The following NR2C2 variants were observed in gnomAD, a reference collection of about 807,000 sequenced individuals.
NR2C2 encodes Nuclear hormone receptor TR4.
In NR2C2, 6 loss-of-function variants were observed where a neutral mutation model predicts 62.9. The ratio of observed to expected loss-of-function variants is 0.10; its 90% CI spans 0.05 to 0.19. NR2C2 has a LOEUF of 0.19. NR2C2 is among the 10% of genes least tolerant of loss of function. NR2C2 has a pLI of 1.00. For synonymous variants in NR2C2, 272 were observed against 273.8 expected (o/e 0.99, Z 0.07); for missense variants, 479 against 762.7 (o/e 0.63, Z 4.38).
At chr3:15,006,328 C>G (rs532247413) in intron 2 of NR2C2, among the ~76,000 whole-genome samples, 1 of 152,150 alleles carries the variant, frequency 6.6e-6, no homozygotes, top group African/African-American at 2.4e-5. Context: ...TTTTTTAAAG[C>G]AGGTTCTTTT....
chr3:14,954,916 C>T (rs1390175125), intron 1 of NR2C2, among the ~76,000 whole-genome samples: 2 of 152,106 alleles, frequency 1.3e-5, no homozygotes, highest in African/African-American at 2.4e-5. Context: ...CTGCAATCTC[C>T]GCCTCCCAGG....
intron 1 of NR2C2, among the ~76,000 whole-genome samples, chr3:14,955,345 G>A (rs2039492090): frequency 6.6e-6 from 1 of 152,142 alleles, no homozygotes; most frequent in Non-Finnish European, 1.5e-5. Context: ...CACATATTAC[G>A]ACTTAGTGGT....
chr3:15,024,359 C>T, intron 7 of NR2C2, 151 bp downstream of exon 7: 1 of 580,164 alleles, frequency 1.7e-6, no homozygotes, highest in Non-Finnish European at 3.0e-6. Flanking sequence ...TGATAGCTAT[C>T]TTGTGATTTG....
chr3:14,983,365 C>T (rs1453175135), intron 1 of NR2C2, among the ~76,000 whole-genome samples: 1 of 151,316 alleles, frequency 6.6e-6, no homozygotes, highest in Non-Finnish European at 1.5e-5. Flanking sequence ...CTTTTTTGAT[C>T]AGGTAATGTG....
At chr3:14,997,657 A>G (rs541619934) in intron 1 of NR2C2, among the ~76,000 whole-genome samples, 2 of 152,202 alleles carry the variant, frequency 1.3e-5, no homozygotes, top group Non-Finnish European at 2.9e-5. Context: ...TTTTTAAGCT[A>G]AAAGTCACTG....
rs533218695 is a variant in NR2C2, at chr3:14,972,838, G to A, written c.-40+24932G>A. 1.1e-3 allele frequency among the ~76,000 whole-genome samples: 160 copies of A among 152,102 alleles called. 9 individuals carry two copies. The highest frequency in any genetic ancestry group is 8.1e-4 in the Non-Finnish European group (55 of 68,026). ...GCAGGGGCAGGACCAAGAGAGTGGG[G>A]GGAGGTGCTACACACTTTTAAACAA... On this transcript the variant is annotated intron_variant, in intron 1 of 13. Transcript: ENST00000425241.
At chr3:15,023,641 C>T (rs1290216049) in intron 6 of NR2C2, among the ~76,000 whole-genome samples, 1 of 152,212 alleles carries the variant, frequency 6.6e-6, no homozygotes, top group Non-Finnish European at 1.5e-5. Context: ...TGGGGCATTT[C>T]TGCAGTACAC....
chr3:14,956,025 T>TC (rs567273902), intron 1 of NR2C2, among the ~76,000 whole-genome samples: 58 of 152,166 alleles, frequency 3.8e-4, no homozygotes, highest in Non-Finnish European at 7.6e-4. Context: ...GAAACAACTT[T>TC]CCTATGGAGG....
chr3:15,042,055 T>A (rs1208609305), intron 13 of NR2C2, among the ~76,000 whole-genome samples: 1 of 152,166 alleles, frequency 6.6e-6, no homozygotes, highest in African/African-American at 2.4e-5. Context: ...AATGAAAAGG[T>A]AGGGTGTTTC....
chr3:14,978,385 G>C lies in NR2C2; in HGVS notation c.-39-25491G>C, dbSNP rs545603035. 2.6e-5 allele frequency among the ~76,000 whole-genome samples: 4 copies of C among 152,250 alleles called. No homozygotes were observed. The South Asian group carries it at 8.3e-4, about 32-fold the overall frequency. ...ACAAAGCCTATTTTATAATAAACTT[G>C]AATATCTCATGTAGCATGCTAGTAT... is the stretch of plus-strand genomic sequence containing the variant. On this transcript the variant is annotated intron_variant, in intron 1 of 13. Transcript: ENST00000425241.
intron 4 of NR2C2, among the ~76,000 whole-genome samples, chr3:15,016,740 G>C (rs1441415053): frequency 1.3e-5 from 2 of 152,176 alleles, no homozygotes; most frequent in African/African-American, 4.8e-5. Context: ...GTCGCACCTG[G>C]GAGCCTTGGT....
At chr3:14,951,112 C>T (rs1009274090) in intron 1 of NR2C2, among the ~76,000 whole-genome samples, 1 of 152,088 alleles carries the variant, frequency 6.6e-6, no homozygotes, top group Non-Finnish European at 1.5e-5. Context: ...TTTACTTTAG[C>T]TGAAGAAACG....
At chr3:15,005,773 G>T (rs1375109640) in intron 2 of NR2C2, among the ~76,000 whole-genome samples, 1 of 151,960 alleles carries the variant, frequency 6.6e-6, no homozygotes, top group Non-Finnish European at 1.5e-5. Context: ...TTGGGGTCTT[G>T]ATTTTTTCCC....
chr3:15,016,262 GT>G lies in NR2C2; in HGVS notation c.376+10del. Reference sequence around the variant, plus strand: ...GTGGCGACAAAGCCTCCGGTATGTAGTTCCAGGTTATGCTGGCACTTATAAT... The same window carrying G: ...GTGGCGACAAAGCCTCCGGTATGTAGTCCAGGTTATGCTGGCACTTATAAT... On this transcript the variant is annotated intron_variant, in intron 4 of 13. Coordinates refer to ENST00000425241, the MANE Select transcript of NR2C2 (RefSeq NM_001291694.2). The G allele has an allele frequency of 6.2e-7, 1 of 1,605,358 alleles. No individual in the cohort carries two copies. The highest frequency in any genetic ancestry group is 8.5e-7 in the Non-Finnish European group (1 of 1,172,248).
Position 15,013,649 on chromosome 3 carries a change from G to C in NR2C2, c.133G>C (p.Gly45Arg). ...GATAGTCACCGCAGTGGACGCCTCC[G>C]GATCCCCCAAACAGCAGTTCATCCT... is the stretch of plus-strand genomic sequence containing the variant. The part of the protein sequence containing the change: ...IQIVTAVDAS[G>R]SPKQQFILTS... Residue 45 changes from glycine to arginine, a missense_variant, in exon 3 of 14, where the codon GGA becomes CGA. Gly to Arg is a moderately radical substitution (Grantham distance 125). Around this residue, in one of 4 missense-constraint regions of NR2C2, gnomAD observed 115 missense variants for 152.3 expected, o/e 0.76. Transcript: ENST00000425241. The C allele has an allele frequency of 6.2e-7, 1 of 1,614,078 alleles. No homozygotes were observed. Among genetic ancestry groups the C allele is most frequent in the Non-Finnish European group, 8.5e-7 (1 of 1,180,018 alleles).
rs372671015 is a variant in NR2C2, at chr3:15,016,132, C to G, written c.274-20C>G. 8 of 1,595,310 alleles carry G rather than the reference C, an allele frequency of 5.0e-6. No homozygotes were observed. In the South Asian group the frequency reaches 5.5e-5, roughly 11 times the overall value. ...TTGATTTTTAATTGGCACCCCTGTT[C>G]GTTTCCTGATTTCTCTCAGATTGTC... On this transcript the variant is annotated intron_variant, in intron 3 of 13. Transcript: ENST00000425241.
chr3:15,037,993 T>C lies in NR2C2; in HGVS notation c.1373-7T>C, dbSNP rs1254651022. ...CCTTTCTCAGGATCTGTGATGTTGG[T>C]TTCTAGATAAACTTTCTGGTGACCG... is the stretch of plus-strand genomic sequence containing the variant. On this transcript the variant is annotated splice_region_variant and splice_polypyrimidine_tract_variant and intron_variant, in intron 11 of 13. Coordinates refer to ENST00000425241, the MANE Select transcript of NR2C2 (RefSeq NM_001291694.2). 6.2e-7 allele frequency: 1 copy of C among 1,612,088 alleles called. No individual in the cohort carries two copies. The highest frequency in any genetic ancestry group is 2.2e-5 in the East Asian group (1 of 44,782).
chr3:14,954,335 A>G (rs1051549969), intron 1 of NR2C2, among the ~76,000 whole-genome samples: 2 of 152,316 alleles, frequency 1.3e-5, no homozygotes, highest in Non-Finnish European at 2.9e-5. Context: ...CGAGAATAAA[A>G]ATTAAAAATA....
chr3:15,027,736 C>T (rs1162919889), intron 7 of NR2C2, among the ~76,000 whole-genome samples: 1 of 151,952 alleles, frequency 6.6e-6, no homozygotes, highest in East Asian at 1.9e-4. Flanking sequence ...TAGCTGGGAC[C>T]ACAGGCACAC....
Sources: allele counts gnomAD v4.1 joint callset (sites outside exome capture counted in the v4.1 genomes callset), GRCh38; gene constraint gnomAD v4.1.1; regional missense constraint gnomAD v4.1.1; transcripts MANE v1.5; gene names NCBI Gene and HGNC (gene_info 2026-07-23, HGNC 2026-07-21).